The following WWOX variants were observed in gnomAD, a reference collection of about 807,000 sequenced individuals.
WWOX encodes the protein WW domain-containing oxidoreductase.
A neutral mutation model predicts 46.2 loss-of-function variants in WWOX; 69 were observed. The observed-to-expected ratio is 1.49, with a 90% CI of 1.23 to 1.82. The LOEUF (loss-of-function observed/expected upper bound fraction) is 1.82. WWOX is among the 40% of genes most tolerant of loss of function. WWOX has a pLI of 0.00. For missense variants in WWOX, 919 were observed against 542.6 expected (o/e 1.69, Z -6.89); for synonymous variants, 359 against 202.6 (o/e 1.77, Z -6.56).
At chr16:78,763,848 A>G (rs989779314) in intron 8 of WWOX, among the ~76,000 whole-genome samples, 1 of 152,098 alleles carries the variant, frequency 6.6e-6, no homozygotes, top group African/African-American at 2.4e-5. Flanking sequence ...TCCTCTTTCT[A>G]ATTGCCCTGC....
intron 8 of WWOX, chr16:79,206,729 C>G (rs1308633831): frequency 1.3e-5 from 2 of 152,056 alleles, no homozygotes; most frequent in African/African-American, 4.8e-5. Flanking sequence ...AGCACTTATT[C>G]CAAATTGAAT....
chr16:78,963,238 G>C (rs1257979509), intron 8 of WWOX, among the ~76,000 whole-genome samples: 1 of 152,156 alleles, frequency 6.6e-6, no homozygotes, highest in Non-Finnish European at 1.5e-5. Context: ...AGAGGCAGAG[G>C]TGAGAGGATT....
intron 8 of WWOX, among the ~76,000 whole-genome samples, chr16:79,052,418 C>G (rs1342988576): frequency 6.6e-6 from 1 of 152,168 alleles, no homozygotes; most frequent in African/African-American, 2.4e-5. Context: ...ATGTGCCAGC[C>G]ATCCCGTTAC....
chr16:78,360,884 G>A (rs11150064), intron 5 of WWOX, among the ~76,000 whole-genome samples: 78,415 of 151,046 alleles, frequency 0.52, 21,925 homozygotes, highest in Non-Finnish European at 0.63. Context: ...ACAGTGGTAC[G>A]ATCATGGGTT....
chr16:78,230,673 C>T (rs1416104046), intron 5 of WWOX, among the ~76,000 whole-genome samples: 1 of 152,186 alleles, frequency 6.6e-6, no homozygotes, highest in Non-Finnish European at 1.5e-5. Context: ...TTGTTTTCTC[C>T]TGCTAGGAAG....
At chr16:78,874,803 G>C (rs889660929) in intron 8 of WWOX, among the ~76,000 whole-genome samples, 2 of 147,572 alleles carry the variant, frequency 1.4e-5, no homozygotes, top group Non-Finnish European at 3.0e-5. Flanking sequence ...TTCTACATAG[G>C]AGTATATTTG....
At chr16:78,337,174 TA>T (rs1474618309) in intron 5 of WWOX, among the ~76,000 whole-genome samples, 3 of 152,222 alleles carry the variant, frequency 2.0e-5, no homozygotes, top group African/African-American at 7.2e-5. Context: ...GTAGCCAGTT[TA>T]TAACCTGTGT....
intron 8 of WWOX, among the ~76,000 whole-genome samples, chr16:79,060,294 G>A (rs531649633): frequency 5.9e-5 from 9 of 152,286 alleles, no homozygotes; most frequent in African/African-American, 1.7e-4. Context: ...CTGTTGTGCC[G>A]GCCACACTGT....
intron 5 of WWOX, among the ~76,000 whole-genome samples, chr16:78,211,153 A>G (rs1182876710): frequency 6.6e-6 from 1 of 152,192 alleles, no homozygotes; most frequent in Non-Finnish European, 1.5e-5. Context: ...GCCCTAGTGC[A>G]GCTCAGTGGA....
intron 8 of WWOX, among the ~76,000 whole-genome samples, chr16:78,860,523 T>G (rs2052691395): frequency 6.6e-6 from 1 of 152,176 alleles, no homozygotes; most frequent in African/African-American, 2.4e-5. Flanking sequence ...ATGGACCTCT[T>G]ATCATGTGCC....
chr16:78,907,812 C>G (rs1007469910), intron 8 of WWOX, among the ~76,000 whole-genome samples: 2 of 152,080 alleles, frequency 1.3e-5, no homozygotes, highest in African/African-American at 2.4e-5. Context: ...CCTAGGGAAA[C>G]AGGACTACCA....
chr16:78,974,749 G>C (rs1413797667), intron 8 of WWOX, among the ~76,000 whole-genome samples: 1 of 152,166 alleles, frequency 6.6e-6, no homozygotes, highest in Non-Finnish European at 1.5e-5. Flanking sequence ...TTGGTCTCTG[G>C]TGTTGGGTCC....
chr16:78,113,838 A>G (rs917162498), intron 3 of WWOX, among the ~76,000 whole-genome samples: 10 of 152,198 alleles, frequency 6.6e-5, no homozygotes, highest in African/African-American at 2.4e-4. Flanking sequence ...TAGAATGAGG[A>G]TGAGGATGGT....
chr16:78,257,535 A>C (rs1293062132), intron 5 of WWOX, among the ~76,000 whole-genome samples: 2 of 152,130 alleles, frequency 1.3e-5, no homozygotes, highest in Non-Finnish European at 2.9e-5. Context: ...TCACTCCTAC[A>C]AGGAGAACCT....
chr16:78,215,991 C>G (rs980084654), intron 5 of WWOX, among the ~76,000 whole-genome samples: 2 of 151,962 alleles, frequency 1.3e-5, no homozygotes, highest in African/African-American at 4.8e-5. Flanking sequence ...ATTCCCATTT[C>G]ACAGATGAGC....
At chr16:78,700,966 T>G (rs2048203703) in intron 8 of WWOX, among the ~76,000 whole-genome samples, 1 of 152,110 alleles carries the variant, frequency 6.6e-6, no homozygotes, top group Non-Finnish European at 1.5e-5. Context: ...GTGGGTGTTG[T>G]AGGGGGAAGG....
intron 8 of WWOX, chr16:79,089,951 G>C (rs2048924024): frequency 6.7e-6 from 1 of 148,242 alleles, no homozygotes; most frequent in Non-Finnish European, 1.5e-5. Context: ...AACCGAAAGA[G>C]TGAACACTGG....
chr16:78,652,368 C>T (rs901011467), intron 8 of WWOX, among the ~76,000 whole-genome samples: 2 of 135,852 alleles, frequency 1.5e-5, no homozygotes, highest in African/African-American at 5.9e-5. Context: ...AAGGTCACGC[C>T]AGTGTACTCC....
In WWOX at chr16:78,428,109, T is replaced by C. The variant is rs148121721; in HGVS notation, c.791+3054T>C. Among the ~76,000 whole-genome samples, 16 of 152,164 alleles carry C rather than the reference T, an allele frequency of 1.1e-4. No individual in the cohort carries two copies. The East Asian group carries it at 3.1e-3, about 29-fold the overall frequency. ...AAAAGCAAAACCCCCACAGTATATA[T>C]AGAAATACAAGATTTGTGAGGGGCG... On this transcript the variant is annotated intron_variant, in intron 7 of 8. Transcript: ENST00000566780.
Sources: allele counts gnomAD v4.1 joint callset (sites outside exome capture counted in the v4.1 genomes callset), GRCh38; gene constraint gnomAD v4.1.1; transcripts MANE v1.5; gene names NCBI Gene and HGNC (gene_info 2026-07-23, HGNC 2026-07-21).